MEGF11: variants seen among roughly 807,000 people sequenced by gnomAD.
The protein encoded by MEGF11 is multiple EGF like domains 11, also known as multiple epidermal growth factor-like domains protein 11.
A neutral mutation model predicts 146.6 loss-of-function variants in MEGF11; 126 were observed. That is an observed-to-expected ratio of 0.86 (90% confidence interval 0.74 to 1.00). The LOEUF (loss-of-function observed/expected upper bound fraction) is 1.00, where lower values mean the gene tolerates loss of function less well. Ranked by LOEUF, MEGF11 falls within the 50% of genes least tolerant of loss-of-function variation. The pLI is 0.00. For missense variants in MEGF11, 1,509 were observed against 1,521.2 expected, an observed-to-expected ratio of 0.99 and a Z score of 0.13; for synonymous variants, 532 against 583.4, an observed-to-expected ratio of 0.91 and a Z score of 1.27.
intron 1 of MEGF11, among the ~76,000 whole-genome samples, chr15:66,176,387 G>T (rs1050130058): frequency 6.6e-6 from 1 of 152,198 alleles, no homozygotes; most frequent in African/African-American, 2.4e-5. Context: ...GTTCACAATA[G>T]CCAAGATATG....
At chr15:66,128,694 T>A (rs2088503601) in intron 1 of MEGF11, among the ~76,000 whole-genome samples, 1 of 152,120 alleles carries the variant, frequency 6.6e-6, no homozygotes. Flanking sequence ...TGCCCACAAG[T>A]GCAAAATCGG....
intron 22 of MEGF11, 108 bp downstream of exon 22, chr15:65,909,632 C>T: frequency 8.8e-7 from 1 of 1,130,588 alleles, no homozygotes; most frequent in Non-Finnish European, 1.3e-6. Context: ...CTGGGGGAAA[C>T]CATGTTCAGA....
chr15:66,036,603 G>C (rs891230183), intron 5 of MEGF11, among the ~76,000 whole-genome samples: 5 of 152,094 alleles, frequency 3.3e-5, no homozygotes, highest in African/African-American at 1.2e-4. Context: ...TTTTGACACC[G>C]AGTCACACCT....
intron 5 of MEGF11, among the ~76,000 whole-genome samples, chr15:66,050,444 G>T (rs1368604880): frequency 2.0e-5 from 3 of 152,208 alleles, no homozygotes; most frequent in Non-Finnish European, 4.4e-5. Flanking sequence ...GGAGGCAGAG[G>T]AAACAGCCAG....
chr15:66,051,579 A>G, intron 5 of MEGF11, among the ~76,000 whole-genome samples: 1 of 152,182 alleles, frequency 6.6e-6, no homozygotes, highest in Non-Finnish European at 1.5e-5. Flanking sequence ...ACCAGATGAG[A>G]GCATTCCGCC....
At chr15:66,204,194 G>A (rs1261643297) in intron 1 of MEGF11, among the ~76,000 whole-genome samples, 1 of 152,148 alleles carries the variant, frequency 6.6e-6, no homozygotes, top group African/African-American at 2.4e-5. Context: ...TTGAGCCCAG[G>A]AGTTTGAAAC....
At chr15:66,051,435 C>G (rs1301156276) in intron 5 of MEGF11, among the ~76,000 whole-genome samples, 2 of 152,186 alleles carry the variant, frequency 1.3e-5, no homozygotes, top group Non-Finnish European at 2.9e-5. Context: ...CCCAGACCTA[C>G]CAGGTCAAAC....
chr15:66,077,749 G>C (rs938476150), intron 5 of MEGF11, among the ~76,000 whole-genome samples: 2 of 152,228 alleles, frequency 1.3e-5, no homozygotes, highest in Non-Finnish European at 1.5e-5. Flanking sequence ...GGCAAGGACC[G>C]CCTGGCCATG....
chr15:66,097,742 CA>C (rs1736080853), intron 4 of MEGF11, among the ~76,000 whole-genome samples: 2 of 23,888 alleles, frequency 8.4e-5, no homozygotes, highest in Non-Finnish European at 2.6e-4. Context: ...GACTCCATCT[CA>C]AAAAACTACA....
chr15:66,178,886 G>A (rs1362549132), intron 1 of MEGF11, among the ~76,000 whole-genome samples: 1 of 152,174 alleles, frequency 6.6e-6, no homozygotes, highest in East Asian at 1.9e-4. Context: ...AACTCTGAGA[G>A]TTGTTTTATT....
chr15:66,164,252 A>C (rs1381194307), intron 1 of MEGF11, among the ~76,000 whole-genome samples: 3 of 152,166 alleles, frequency 2.0e-5, no homozygotes, highest in Non-Finnish European at 4.4e-5. Context: ...TGGACAGAGA[A>C]GGGCCAGGCT....
intron 5 of MEGF11, among the ~76,000 whole-genome samples, chr15:66,091,307 C>T (rs192328903): frequency 1.4e-4 from 22 of 152,162 alleles, no homozygotes; most frequent in East Asian, 3.9e-4. Context: ...TAACAATTTG[C>T]GTCCCATGGC....
chr15:65,930,768 A>G, intron 11 of MEGF11, 55 bp downstream of exon 11: 2 of 1,511,796 alleles, frequency 1.3e-6, no homozygotes, highest in African/African-American at 2.8e-5. Context: ...TGGCAGCACC[A>G]CCTGGGGAAT....
Position 66,186,733 on chromosome 15 carries a change from C to T in MEGF11, c.-8-58322G>A, listed in dbSNP as rs117447811. On this transcript the variant is annotated intron_variant, in intron 1 of 25. Transcript: ENST00000395614. ...CAGAGGCAAATACCATTTGTGTTAA[C>T]GACAAAATCTAACTGAGAGATGGTC... Among the ~76,000 whole-genome samples, 367 of 152,336 alleles carry T rather than the reference C, an allele frequency of 2.4e-3. 7 individuals carry two copies. The East Asian group carries it at 0.048, about 20-fold the overall frequency.
chr15:66,125,919 A>G (rs2088314023), intron 2 of MEGF11, among the ~76,000 whole-genome samples: 1 of 152,128 alleles, frequency 6.6e-6, no homozygotes, highest in Non-Finnish European at 1.5e-5. Context: ...CAGGGCAGGG[A>G]CCAGGCTTTG....
chr15:66,004,444 G>T (rs1244074419), intron 5 of MEGF11, among the ~76,000 whole-genome samples: 3 of 151,878 alleles, frequency 2.0e-5, no homozygotes, highest in Non-Finnish European at 2.9e-5. Context: ...TTCTTAAAAA[G>T]AATCTGGGGC....
At chr15:65,975,003 G>A (rs192019639) in intron 7 of MEGF11, among the ~76,000 whole-genome samples, 1 of 151,976 alleles carries the variant, frequency 6.6e-6, no homozygotes, top group East Asian at 1.9e-4. Context: ...CCGCCACCAC[G>A]CCCAGCTAAT....
intron 5 of MEGF11, among the ~76,000 whole-genome samples, chr15:66,005,964 A>G (rs1276260943): frequency 6.6e-6 from 1 of 152,224 alleles, no homozygotes; most frequent in Non-Finnish European, 1.5e-5. Context: ...GTTTACTAAA[A>G]TCGATCCACC....
At chr15:66,026,739 C>T (rs1443858771) in intron 5 of MEGF11, among the ~76,000 whole-genome samples, 2 of 151,972 alleles carry the variant, frequency 1.3e-5, no homozygotes, top group Non-Finnish European at 2.9e-5. Context: ...CCACCCACCT[C>T]GGCCTCTTAA....
Sources: gnomAD v4.1 joint callset for allele counts (sites outside exome capture counted in the v4.1 genomes callset) on GRCh38, gnomAD v4.1.1 for gene constraint, MANE v1.5 for transcripts, NCBI Gene and HGNC (gene_info 2026-07-23, HGNC 2026-07-21) for gene names.